The following RLN2 variants were observed in gnomAD, a reference collection of about 807,000 sequenced individuals.
RLN2 encodes prorelaxin H2.
In RLN2, 10 loss-of-function variants were observed where a neutral mutation model predicts 7.3. The observed-to-expected ratio is 1.36, with a 90% CI of 0.84 to 2.31. The LOEUF is 2.31. Among genes scored for constraint, RLN2 ranks in the 30% most tolerant of loss-of-function variants. The pLI is 0.00. For synonymous variants in RLN2, 103 were observed against 82.3 expected, an observed-to-expected ratio of 1.25 and a Z score of -1.36; for missense variants, 298 against 217.6, an observed-to-expected ratio of 1.37 and a Z score of -2.32.
the RLN2 span, among the ~76,000 whole-genome samples, chr9:5,314,824 G>A: frequency 6.6e-6 from 1 of 151,932 alleles, no homozygotes. Context: ...ACTATCCCCA[G>A]GTCCAGAATC....
chr9:5,328,431 T>C, the RLN2 span, among the ~76,000 whole-genome samples: 2 of 151,758 alleles, frequency 1.3e-5, no homozygotes, highest in Non-Finnish European at 2.9e-5. Context: ...CAAATATACG[T>C]TAGTTTGGTG....
chr9:5,324,108 C>A, the RLN2 span, among the ~76,000 whole-genome samples: 10 of 151,906 alleles, frequency 6.6e-5, no homozygotes, highest in South Asian at 1.0e-3. Context: ...TGGTGGTAGT[C>A]ATTTTTATTG....
At chr9:5,328,432 T>G in the RLN2 span, among the ~76,000 whole-genome samples, 1 of 151,976 alleles carries the variant, frequency 6.6e-6, no homozygotes, top group Non-Finnish European at 1.5e-5. Flanking sequence ...AAATATACGT[T>G]AGTTTGGTGT....
chr9:5,306,805 G>T (rs147932903), upstream of RLN2, among the ~76,000 whole-genome samples: 1,083 of 152,082 alleles, frequency 7.1e-3, 25 homozygotes, highest in African/African-American at 0.025. Context: ...AATATGTACA[G>T]AGTAATGTCT....
upstream of RLN2, among the ~76,000 whole-genome samples, chr9:5,307,690 G>A (rs903356594): frequency 3.9e-5 from 6 of 151,940 alleles, no homozygotes; most frequent in South Asian, 2.1e-4. Context: ...CATTGCCCTC[G>A]TCCTTCTGTG....
chr9:5,313,218 C>G, the RLN2 span, among the ~76,000 whole-genome samples: 1 of 151,928 alleles, frequency 6.6e-6, no homozygotes, highest in Non-Finnish European at 1.5e-5. Context: ...CTCTTCTGAT[C>G]TATTAATATT....
At chr9:5,306,043 C>T (rs1353284647), upstream of RLN2, among the ~76,000 whole-genome samples, 1 of 150,712 alleles carries the variant, frequency 6.6e-6, no homozygotes, top group Non-Finnish European at 1.5e-5. Context: ...ATGTGCAAGG[C>T]TGTACTCCAA....
the RLN2 span, among the ~76,000 whole-genome samples, chr9:5,320,121 G>T: frequency 6.7e-6 from 1 of 149,942 alleles, no homozygotes; most frequent in East Asian, 2.0e-4. Flanking sequence ...AAGTAGTAAG[G>T]ATTACAGGCA....
At chr9:5,306,065 G>A (rs543772341), upstream of RLN2, among the ~76,000 whole-genome samples, 6 of 148,056 alleles carry the variant, frequency 4.1e-5, no homozygotes, top group East Asian at 5.9e-4. Flanking sequence ...GTAATTGGTC[G>A]TTAAAAATGT....
At chr9:5,336,839 T>C in the RLN2 span, among the ~76,000 whole-genome samples, 1 of 151,960 alleles carries the variant, frequency 6.6e-6, no homozygotes, top group East Asian at 1.9e-4. Context: ...GGTTAACCAC[T>C]GATGCCTGCT....
At chr9:5,325,545 C>T in the RLN2 span, among the ~76,000 whole-genome samples, 4 of 151,932 alleles carry the variant, frequency 2.6e-5, no homozygotes, top group Non-Finnish European at 5.9e-5. Flanking sequence ...GCCTGTATCA[C>T]AAAGAAAGAT....
the RLN2 span, among the ~76,000 whole-genome samples, chr9:5,334,496 T>G: frequency 1.3e-5 from 2 of 152,044 alleles, no homozygotes; most frequent in Non-Finnish European, 1.5e-5. Flanking sequence ...TCATACTATT[T>G]CAGTAATTTT....
chr9:5,314,040 A>C, the RLN2 span, among the ~76,000 whole-genome samples: 1 of 151,830 alleles, frequency 6.6e-6, no homozygotes, highest in Non-Finnish European at 1.5e-5. Flanking sequence ...TACAGTCCTC[A>C]CCTCTGGTGA....
At chr9:5,333,173 C>T in the RLN2 span, among the ~76,000 whole-genome samples, 3 of 152,006 alleles carry the variant, frequency 2.0e-5, no homozygotes, top group Non-Finnish European at 2.9e-5. Context: ...ACAGATAAAT[C>T]AACCCATGAG....
At chr9:5,326,611 G>A in the RLN2 span, among the ~76,000 whole-genome samples, 5 of 152,022 alleles carry the variant, frequency 3.3e-5, no homozygotes, top group African/African-American at 9.7e-5. Flanking sequence ...GGGACAAGGG[G>A]GGAGGGCATC....
At chr9:5,330,649 AAAAAAAG>A in the RLN2 span, among the ~76,000 whole-genome samples, 1 of 149,986 alleles carries the variant, frequency 6.7e-6, no homozygotes, top group African/African-American at 2.4e-5. Context: ...AAAAAAAAAA[AAAAAAAG>A]AAAAAAGAAG....
chr9:5,308,445 A>G (rs1185844292), upstream of RLN2, among the ~76,000 whole-genome samples: 1 of 151,916 alleles, frequency 6.6e-6, no homozygotes, highest in Middle Eastern at 3.2e-3. Context: ...AACAAAAACA[A>G]AACAATAAGA....
chr9:5,311,573 G>A, the RLN2 span: 15 of 796,556 alleles, frequency 1.9e-5, no homozygotes, highest in East Asian at 1.7e-4. Flanking sequence ...GCCTAAAAAC[G>A]CCCATGCAAA....
the RLN2 span, among the ~76,000 whole-genome samples, chr9:5,317,797 T>C: frequency 6.6e-6 from 1 of 151,834 alleles, no homozygotes; most frequent in East Asian, 1.9e-4. Context: ...AAATGCTCAG[T>C]TGTATTTATA....
Sources: gnomAD v4.1 joint callset for allele counts (sites outside exome capture counted in the v4.1 genomes callset) on GRCh38, gnomAD v4.1.1 for gene constraint, MANE v1.5 for transcripts, NCBI Gene and HGNC (gene_info 2026-07-23, HGNC 2026-07-21) for gene names.